Variants in SLC26A2 observed in about 807,000 individuals in gnomAD.
The protein encoded by SLC26A2 is sulfate transporter.
SLC26A2 carries 36 observed loss-of-function variants against 41.1 expected under a neutral mutation model. That is an observed-to-expected ratio of 0.88 (90% CI 0.67 to 1.16). The LOEUF (loss-of-function observed/expected upper bound fraction) is 1.16. SLC26A2 is among the 50% of genes most tolerant of loss of function. The pLI is 0.00. For missense variants in SLC26A2, 796 were observed against 869.6 expected (o/e 0.92, Z 1.07); for synonymous variants, 291 against 311.6 (o/e 0.93, Z 0.70).
intron 1 of SLC26A2, among the ~76,000 whole-genome samples, chr5:149,961,307 A>G (rs756264658): frequency 1.3e-5 from 2 of 152,154 alleles, no homozygotes; most frequent in African/African-American, 2.4e-5. Flanking sequence ...TCGAACCTAG[A>G]TATCTGGAAT....
At chr5:149,971,756 G>A (rs546355087) in intron 1 of SLC26A2, among the ~76,000 whole-genome samples, 12 of 152,278 alleles carry the variant, frequency 7.9e-5, no homozygotes, top group South Asian at 2.1e-4. Context: ...AAGACAAAAG[G>A]TAAAATATTA....
rs760221585 is a variant in SLC26A2, at chr5:149,978,137, T to C, written c.485T>C (p.Val162Ala). Reference sequence around the variant, plus strand: ...TTGGGTACCTCCCGTCACATCTCTGTGGGCATTTTTGGAGTACTGTGCCTT... The same window carrying C: ...TTGGGTACCTCCCGTCACATCTCTGCGGGCATTTTTGGAGTACTGTGCCTT... Reference protein sequence around the residue: ...FLLGTSRHISVGIFGVLCLMI... With the variant: ...FLLGTSRHISAGIFGVLCLMI... Residue 162 changes from valine to alanine, a missense_variant, in exon 2 of 3, where the codon GTG becomes GCG. Physicochemically the swap from Val to Ala is moderately conservative, Grantham distance 64. Coordinates refer to ENST00000286298, the MANE Select transcript of SLC26A2 (RefSeq NM_000112.4). The C allele has an allele frequency of 1.2e-6, 2 of 1,607,164 alleles. No homozygotes were observed. The highest frequency in any genetic ancestry group is 1.7e-6 in the Non-Finnish European group (2 of 1,175,618).
In SLC26A2 at chr5:149,981,431, G is replaced by A; in HGVS notation, c.1838G>A (p.Trp613Ter). ...TVNPILIKVA[W>*]KKAAKRKIKE... ...AACCCAATCTTAATAAAGGTGGCTT[G>A]GAAGAAGGCAGCAAAGAGAAAGATC... is the stretch of plus-strand genomic sequence containing the variant. The change falls in exon 3 of 3, where the codon TGG (tryptophan) becomes TAG (stop). Residue 613 changes from tryptophan (W) to a stop codon, truncating the protein, a stop_gained. Transcript: ENST00000286298. LOFTEE classifies it high-confidence loss of function. 6.2e-7 allele frequency: 1 copy of A among 1,614,040 alleles called. No individual in the cohort carries two copies. The highest frequency in any genetic ancestry group is 8.5e-7 in the Non-Finnish European group (1 of 1,179,982).
Position 149,981,269 on chromosome 5 carries a change from A to G in SLC26A2, c.1676A>G (p.Glu559Gly). 1 of 1,614,168 alleles carries G rather than the reference A, an allele frequency of 6.2e-7. No homozygotes were observed. The highest frequency in any genetic ancestry group is 8.5e-7 in the Non-Finnish European group (1 of 1,180,024). Reference protein sequence around the residue: ...PKSSLLGLVEESEVFESVSAY... With the variant: ...PKSSLLGLVEGSEVFESVSAY... ...AGTTCACTGCTTGGCTTGGTGGAAG[A>G]GTCTGAGGTCTTTGAATCTGTGTCT... Residue 559 changes from glutamate (E) to glycine (G), a missense_variant, in exon 3 of 3, where the codon GAG becomes GGG. Coordinates refer to ENST00000286298, the MANE Select transcript of SLC26A2 (RefSeq NM_000112.4).
chr5:149,981,363 A>T lies in SLC26A2; in HGVS notation c.1770A>T (p.Ile590=). ...IFRFVAPLYY[I]NKECFKSALY... is the part of the protein sequence containing the mutation. ...GCTTTGTAGCCCCTCTCTACTACAT[A>T]AACAAAGAATGCTTTAAATCTGCTT... The change falls in exon 3 of 3, where the codon ATA becomes ATT. Residue 590 remains isoleucine (I), a synonymous_variant. Transcript: ENST00000286298. 6 of 1,614,138 alleles carry T rather than the reference A, an allele frequency of 3.7e-6. No individual in the cohort carries two copies. The highest frequency in any genetic ancestry group is 5.1e-6 in the Non-Finnish European group (6 of 1,180,010).
chr5:149,965,598 A>G (rs1405686433), intron 1 of SLC26A2, among the ~76,000 whole-genome samples: 2 of 150,808 alleles, frequency 1.3e-5, no homozygotes, highest in Non-Finnish European at 2.9e-5. Flanking sequence ...TTTTTCTTAC[A>G]CTGTAGCTCT....
chr5:149,978,062 C>T lies in SLC26A2; in HGVS notation c.410C>T (p.Pro137Leu). The T allele has an allele frequency of 6.2e-7, 1 of 1,613,116 alleles. No homozygotes were observed. The highest frequency in any genetic ancestry group is 1.1e-5 in the South Asian group (1 of 90,978). Reference sequence around the variant, plus strand: ...TATTCCCTGCTGGCTGGCCAAGAACCTGTCTATGGTCTGTACACATCTTTT... The same window carrying T: ...TATTCCCTGCTGGCTGGCCAAGAACTTGTCTATGGTCTGTACACATCTTTT... ...IAYSLLAGQE[P>L]VYGLYTSFFA... The change falls in exon 2 of 3, where the codon CCT becomes CTT. Residue 137 changes from proline to leucine, a missense_variant. Physicochemically the swap from Pro to Leu is moderately conservative, Grantham distance 98. Transcript: ENST00000286298.
chr5:149,972,413 A>G (rs1238158519), intron 1 of SLC26A2, among the ~76,000 whole-genome samples: 1 of 152,228 alleles, frequency 6.6e-6, no homozygotes, highest in African/African-American at 2.4e-5. Flanking sequence ...TGGGAACAAC[A>G]TTGTTGATAT....
At position 149,986,534 on chromosome 5, in the gene SLC26A2, A is replaced by G. The variant is rs1755203612; in HGVS notation, c.*4721A>G. 1.3e-5 allele frequency: 2 copies of G among 152,228 alleles called. No homozygotes were observed. Among genetic ancestry groups the G allele is most frequent in the African/African-American group, 2.4e-5 (1 of 41,474 alleles). The allele number at this position is 152,228 out of a possible 1,614,324, so 9.4% of individuals were successfully genotyped here. ...TTTTTATAAGGTAATTTTTATCCTG[A>G]TAAGGACTTAAAAAAAAGTTTTGCA... On this transcript the variant is annotated 3_prime_UTR_variant, in exon 3 of 3. Transcript: ENST00000286298.
At chr5:149,963,034 C>A (rs555206371) in intron 1 of SLC26A2, among the ~76,000 whole-genome samples, 1 of 152,224 alleles carries the variant, frequency 6.6e-6, no homozygotes, top group East Asian at 1.9e-4. Context: ...CAAGGCAGGG[C>A]TGGGCCCAGG....
chr5:149,976,968 C>A (rs1042713244), intron 1 of SLC26A2, among the ~76,000 whole-genome samples: 23 of 152,234 alleles, frequency 1.5e-4, no homozygotes, highest in Non-Finnish European at 3.2e-4. Flanking sequence ...ATGCCCTTTA[C>A]ATTCAGCACC....
chr5:149,963,245 GA>G (rs1561810050), intron 1 of SLC26A2, among the ~76,000 whole-genome samples: 1 of 151,666 alleles, frequency 6.6e-6, no homozygotes, highest in Non-Finnish European at 1.5e-5. Context: ...AAGTAGCTGG[GA>G]TTACAGGCAC....
rs1755136551 is a variant in SLC26A2, at chr5:149,983,104, A to G, written c.*1291A>G. On this transcript the variant is annotated 3_prime_UTR_variant, in exon 3 of 3. Transcript: ENST00000286298. Reference sequence around the variant, plus strand: ...TTCTAAACAATTTTAAATATTTATGAGAAGCAAACCCTATGTGTAGGGCAT... The same window carrying G: ...TTCTAAACAATTTTAAATATTTATGGGAAGCAAACCCTATGTGTAGGGCAT... The G allele has an allele frequency of 6.6e-6, 1 of 151,998 alleles. No homozygotes were observed. Among genetic ancestry groups the G allele is most frequent in the African/African-American group, 2.4e-5 (1 of 41,404 alleles). The allele number at this position is 151,998 out of a possible 1,614,324, so 9.4% of individuals were successfully genotyped here.
rs374715562 is a variant in SLC26A2, at chr5:149,964,513, C to T, written c.-26+3534C>T. On this transcript the variant is annotated intron_variant, in intron 1 of 2. Transcript: ENST00000286298. ...TAAAAAATAGCCAGGCGTGGTGGCT[C>T]ACGCCTGTAATCCTAGCACTTTAGG... 6.6e-5 allele frequency among the ~76,000 whole-genome samples: 10 copies of T among 151,048 alleles called. No homozygotes were observed. The East Asian group carries it at 7.8e-4, about 12-fold the overall frequency.
rs748164269 is a variant in SLC26A2, at chr5:149,978,320, G to A, written c.668G>A (p.Ser223Asn). The A allele has an allele frequency of 9.9e-6, 16 of 1,613,364 alleles. No homozygotes were observed. The highest frequency in any genetic ancestry group is 1.3e-5 in the Non-Finnish European group (15 of 1,179,888). The stretch of plus-strand genomic sequence containing the variant: ...AGTTGCTATGCAATTATGGTTGGCA[G>A]CACTGTAACCTTTATAGCTGGAGTT... The part of the protein sequence containing the change: ...DKSCYAIMVG[S>N]TVTFIAGVYQ... The change falls in exon 2 of 3, where the codon AGC (serine) becomes AAC (asparagine). Residue 223 changes from serine to asparagine, a missense_variant. By Grantham distance (46) the Ser-to-Asn change is conservative. Coordinates refer to ENST00000286298, the MANE Select transcript of SLC26A2 (RefSeq NM_000112.4).
At position 149,984,833 on chromosome 5, in the gene SLC26A2, G is replaced by A. The variant is rs1383173100; in HGVS notation, c.*3020G>A. ...TACAAGATTCTGAGTATCATAAAAT[G>A]GTTATTTAATTGAAACGTAGTGTGG... On this transcript the variant is annotated 3_prime_UTR_variant, in exon 3 of 3. Transcript: ENST00000286298. 6.6e-6 allele frequency: 1 copy of A among 152,160 alleles called. No individual in the cohort carries two copies. Among genetic ancestry groups the A allele is most frequent in the Non-Finnish European group, 1.5e-5 (1 of 68,036 alleles). 9.4% of individuals were successfully genotyped at this position (152,160 alleles called of 1,614,324 possible).
intron 1 of SLC26A2, among the ~76,000 whole-genome samples, chr5:149,966,069 T>G (rs1483215836): frequency 6.6e-6 from 1 of 152,184 alleles, no homozygotes; most frequent in Non-Finnish European, 1.5e-5. Context: ...CACGCCTGGC[T>G]AATTTTTGGA....
chr5:149,972,378 C>T (rs1754919137), intron 1 of SLC26A2, among the ~76,000 whole-genome samples: 1 of 152,020 alleles, frequency 6.6e-6, no homozygotes, highest in Non-Finnish European at 1.5e-5. Flanking sequence ...AGGACCATGG[C>T]CATGAATGTA....
At chr5:149,973,562 C>T (rs1754940302) in intron 1 of SLC26A2, among the ~76,000 whole-genome samples, 1 of 151,978 alleles carries the variant, frequency 6.6e-6, no homozygotes, top group Admixed American at 6.6e-5. Flanking sequence ...CCGTTCCCCC[C>T]ACATATATAT....
Sources: allele counts gnomAD v4.1 joint callset (sites outside exome capture counted in the v4.1 genomes callset), GRCh38; gene constraint gnomAD v4.1.1; transcripts MANE v1.5; gene names NCBI Gene and HGNC (gene_info 2026-07-23, HGNC 2026-07-21).